Variants in XKR6 observed in about 807,000 individuals in gnomAD.
XKR6 encodes XK related 6.
XKR6 carries 22 observed loss-of-function variants against 56.7 expected under a neutral mutation model. That is an observed-to-expected ratio of 0.39 (90% CI 0.28 to 0.55). The LOEUF (loss-of-function observed/expected upper bound fraction) is 0.55, where lower values mean the gene tolerates loss of function less well. Among genes scored for constraint, XKR6 ranks in the 20% least tolerant of loss-of-function variants. The probability of loss-of-function intolerance (pLI) is 0.66; values close to 1 mark genes in which losing one functional copy is unlikely to be tolerated. For missense variants in XKR6, 852 were observed against 889.0 expected (o/e 0.96, Z 0.53); for synonymous variants, 524 against 387.8 (o/e 1.35, Z -4.13).
intron 1 of XKR6, among the ~76,000 whole-genome samples, chr8:11,058,656 G>A (rs1799748075): frequency 6.6e-6 from 1 of 152,136 alleles, no homozygotes; most frequent in African/African-American, 2.4e-5. Context: ...ATGGACACCG[G>A]GAGGGGAACA....
At chr8:11,075,859 C>T (rs142289390) in intron 1 of XKR6, among the ~76,000 whole-genome samples, 7 of 152,058 alleles carry the variant, frequency 4.6e-5, no homozygotes, top group South Asian at 4.1e-4. Flanking sequence ...GGCAACATAG[C>T]GAGACTCTGT....
intron 1 of XKR6, among the ~76,000 whole-genome samples, chr8:11,168,218 G>A (rs1324159442): frequency 6.6e-6 from 1 of 152,166 alleles, no homozygotes; most frequent in East Asian, 1.9e-4. Flanking sequence ...ACATGTCCCT[G>A]AGAAGGCCAG....
At chr8:11,106,634 A>C (rs780548808) in intron 1 of XKR6, 3 of 152,278 alleles carry the variant, frequency 2.0e-5, no homozygotes, top group Admixed American at 1.3e-4. Flanking sequence ...AGATCACTTG[A>C]GGTCAGGAGT....
In XKR6 at chr8:10,897,911, A is replaced by G. The variant is rs893258003; in HGVS notation, c.*41T>C. 21 of 1,520,792 alleles carry G rather than the reference A, an allele frequency of 1.4e-5. No individual in the cohort carries two copies. The highest frequency in any genetic ancestry group is 1.7e-5 in the Non-Finnish European group (19 of 1,135,220). The allele number at this position is 1,520,792 out of a possible 1,614,324, so 94.2% of individuals were successfully genotyped here. A position where few individuals can be genotyped will look rare whatever the true frequency, so the allele number is the denominator to read the frequency against. On this transcript the variant is annotated 3_prime_UTR_variant, in exon 3 of 3. Transcript: ENST00000416569. ...TTCTTGCAAGTGCTGTTTGCCGCAA[A>G]CCAAACTTAAGGTCCCCTTCTCAAC...
At chr8:11,049,742 T>C (rs1241690341) in intron 1 of XKR6, among the ~76,000 whole-genome samples, 2 of 152,148 alleles carry the variant, frequency 1.3e-5, no homozygotes, top group East Asian at 3.9e-4. Flanking sequence ...CTCTCAATGA[T>C]GGGTGAGAAA....
intron 1 of XKR6, among the ~76,000 whole-genome samples, chr8:10,995,884 G>A (rs905020235): frequency 6.6e-6 from 1 of 152,178 alleles, no homozygotes; most frequent in Non-Finnish European, 1.5e-5. Flanking sequence ...ATGGTGAGAT[G>A]AGGCCTGAGC....
intron 1 of XKR6, among the ~76,000 whole-genome samples, chr8:11,127,662 C>G (rs768694231): frequency 1.3e-5 from 2 of 152,126 alleles, no homozygotes; most frequent in Non-Finnish European, 2.9e-5. Context: ...CTTAGGAGGC[C>G]CCTTGTGGCT....
At chr8:11,057,052 C>A (rs1799703400) in intron 1 of XKR6, among the ~76,000 whole-genome samples, 1 of 152,240 alleles carries the variant, frequency 6.6e-6, no homozygotes, top group South Asian at 2.1e-4. Context: ...ATGTCACCAT[C>A]TTGAAGCACA....
At chr8:11,032,395 A>G (rs1036883703) in intron 1 of XKR6, among the ~76,000 whole-genome samples, 4 of 152,358 alleles carry the variant, frequency 2.6e-5, no homozygotes, top group African/African-American at 9.6e-5. Flanking sequence ...GGTGTGAAAG[A>G]CAGAGTGTGT....
At chr8:11,133,780 G>C (rs1268103296) in intron 1 of XKR6, among the ~76,000 whole-genome samples, 2 of 152,006 alleles carry the variant, frequency 1.3e-5, no homozygotes, top group African/African-American at 4.8e-5. Context: ...GAAATGTCAG[G>C]TCTTACAACC....
At chr8:10,935,971 C>T (rs1226262060) in intron 1 of XKR6, among the ~76,000 whole-genome samples, 7 of 149,246 alleles carry the variant, frequency 4.7e-5, no homozygotes, top group South Asian at 2.2e-4. Flanking sequence ...CTTTCTGTCT[C>T]GTTGATCTGT....
rs146929381 is a variant in XKR6, at chr8:11,007,401, C to G, written c.765-82571G>C. ...GGCTAATGTGCAAGCTTCTGTCGCT[C>G]AGCAGCAAAGCCTGGGTCTCAAGGA... On this transcript the variant is annotated intron_variant, in intron 1 of 2. Coordinates refer to ENST00000416569, the MANE Select transcript of XKR6 (RefSeq NM_173683.4). 1.9e-3 allele frequency among the ~76,000 whole-genome samples: 284 copies of G among 152,320 alleles called. 1 individual carries two copies. The highest frequency in any genetic ancestry group is 6.5e-3 in the African/African-American group (270 of 41,578).
At chr8:11,168,184 A>C (rs1346652356) in intron 1 of XKR6, among the ~76,000 whole-genome samples, 2 of 152,214 alleles carry the variant, frequency 1.3e-5, no homozygotes, top group African/African-American at 4.8e-5. Context: ...TAGCCCATTC[A>C]AAGGAACGAA....
intron 1 of XKR6, among the ~76,000 whole-genome samples, chr8:11,026,296 G>T (rs1280026373): frequency 6.6e-6 from 1 of 151,400 alleles, no homozygotes. Flanking sequence ...CACCTAGATG[G>T]TCTAGCCTAC....
rs565877157 is a variant in XKR6, at chr8:11,081,946, C to T, written c.764+118630G>A. 5.9e-5 allele frequency among the ~76,000 whole-genome samples: 9 copies of T among 152,306 alleles called. No individual in the cohort carries two copies. The South Asian group carries it at 1.9e-3, about 32-fold the overall frequency. ...CCAGCCCGACAGGCAGTGGGTGGTT[C>T]ACGGTTCTGTTCCCACTGGAGGATG... On this transcript the variant is annotated intron_variant, in intron 1 of 2. Transcript: ENST00000416569.
chr8:10,954,957 C>T (rs1801839157), intron 1 of XKR6, among the ~76,000 whole-genome samples: 1 of 146,832 alleles, frequency 6.8e-6, no homozygotes, highest in Non-Finnish European at 1.5e-5. Flanking sequence ...CAATCTTTGC[C>T]TCCTGGGTTC....
intron 1 of XKR6, among the ~76,000 whole-genome samples, chr8:11,081,980 G>T (rs2898260): frequency 0.56 from 84,622 of 152,076 alleles, 27,033 homozygotes; most frequent in African/African-American, 0.86. Flanking sequence ...TGCTCTTGTC[G>T]GCCTACCCTC....
intron 1 of XKR6, among the ~76,000 whole-genome samples, chr8:11,050,838 TC>T (rs1799529091): frequency 6.6e-6 from 1 of 151,448 alleles, no homozygotes; most frequent in Non-Finnish European, 1.5e-5. Flanking sequence ...TATCCCCCAT[TC>T]CCCAGTGCTG....
At chr8:11,117,895 A>C (rs28688244) in intron 1 of XKR6, among the ~76,000 whole-genome samples, 18,224 of 152,160 alleles carry the variant, frequency 0.12, 3,506 homozygotes, top group African/African-American at 0.41. Flanking sequence ...CAGAAAAATA[A>C]CTTCAAACCC....
Sources: allele counts gnomAD v4.1 joint callset (sites outside exome capture counted in the v4.1 genomes callset), GRCh38; gene constraint gnomAD v4.1.1; transcripts MANE v1.5; gene names NCBI Gene and HGNC (gene_info 2026-07-23, HGNC 2026-07-21).